Variants in MYO1C observed in about 807,000 individuals in gnomAD.
MYO1C encodes myosin IC.
MYO1C carries 104 observed loss-of-function variants against 150.8 expected under a neutral mutation model. That is an observed-to-expected ratio of 0.69 (90% CI 0.59 to 0.81). The LOEUF is 0.81. MYO1C is among the 30% of genes least tolerant of loss of function. The pLI is 0.00. For synonymous variants in MYO1C, 663 were observed against 579.9 expected, an observed-to-expected ratio of 1.14 and a Z score of -2.06; for missense variants, 1,504 against 1,435.0, an observed-to-expected ratio of 1.05 and a Z score of -0.78.
intron 1 of MYO1C, chr17:1,484,504 G>A (rs2074610717): frequency 4.6e-6 from 3 of 651,188 alleles, no homozygotes; most frequent in Non-Finnish European, 8.1e-6. Flanking sequence ...CGGGTGTGGA[G>A]GGCCCGGGTC....
In MYO1C at chr17:1,470,696, T is replaced by C. The variant is rs1356939533; in HGVS notation, c.2213-7A>G. Reference sequence around the variant, plus strand: ...GCAGCTTGGATCTTTGTGGCTGCGGTTGGGAAAGAAAGGCAATTGGCCAGA... The same window carrying C: ...GCAGCTTGGATCTTTGTGGCTGCGGCTGGGAAAGAAAGGCAATTGGCCAGA... On this transcript the variant is annotated splice_polypyrimidine_tract_variant and splice_region_variant and intron_variant, in intron 21 of 31. Transcript: ENST00000648651. The C allele has an allele frequency of 1.2e-6, 2 of 1,601,404 alleles. No individual in the cohort carries two copies. The highest frequency in any genetic ancestry group is 8.5e-7 in the Non-Finnish European group (1 of 1,178,928).
chr17:1,476,901 C>T (rs1314756677), intron 14 of MYO1C, among the ~76,000 whole-genome samples: 1 of 150,838 alleles, frequency 6.6e-6, no homozygotes, highest in African/African-American at 2.4e-5. Context: ...GGCAGTGGTG[C>T]GATCTCGGCT....
intron 25 of MYO1C, chr17:1,469,192 C>T: frequency 1.3e-5 from 5 of 381,420 alleles, no homozygotes; most frequent in Non-Finnish European, 2.0e-5. Flanking sequence ...ATACGGTAGG[C>T]GGGGTAAATA....
intron 1 of MYO1C, 146 bp from the exon 2 acceptor site, chr17:1,484,449 CCTGGGTGCTGAGGG>C: frequency 3.4e-5 from 17 of 506,194 alleles, no homozygotes; most frequent in Non-Finnish European, 5.2e-5. Flanking sequence ...GTGCGGGGGG[CCTGGGTGCTGAGGG>C]CCTGGGTGTG....
chr17:1,478,705 C>A lies in MYO1C; in HGVS notation c.1123G>T (p.Ala375Ser), dbSNP rs780926824. 1.9e-6 allele frequency: 3 copies of A among 1,614,168 alleles called. No individual in the cohort carries two copies. The highest frequency in any genetic ancestry group is 3.3e-5 in the Admixed American group (2 of 60,036). ...TTGGCGAGGGCGTCTCGTGCGTACG[C>A]GGCCTGCTCCAGGTTCAGCGGGCTC... Reference protein sequence around the residue: ...LLSPLNLEQAAYARDALAKAV... With the variant: ...LLSPLNLEQASYARDALAKAV... The change falls in exon 10 of 32, where the codon GCG (alanine) becomes TCG (serine). Residue 375 changes from alanine (A) to serine (S), a missense_variant. By Grantham distance (99) the Ala-to-Ser change is moderately conservative (BLOSUM62 1). Coordinates refer to ENST00000648651, the MANE Select transcript of MYO1C (RefSeq NM_001080779.2). The surrounding 1 kb of genome is among the most constrained non-coding windows in gnomAD (Gnocchi z 6.3).
intron 3 of MYO1C, among the ~76,000 whole-genome samples, 153 bp downstream of exon 3, chr17:1,483,457 T>G (rs1027021834): frequency 3.3e-5 from 5 of 151,968 alleles, no homozygotes; most frequent in African/African-American, 1.2e-4. Context: ...AGTTGCGACA[T>G]TCATCTCTGG....
chr17:1,480,894 A>C lies in MYO1C; in HGVS notation c.628-9T>G. The C allele has an allele frequency of 2.5e-6, 4 of 1,613,498 alleles. No homozygotes were observed. Among genetic ancestry groups the C allele is most frequent in the Non-Finnish European group, 3.4e-6 (4 of 1,179,882 alleles). On this transcript the variant is annotated splice_polypyrimidine_tract_variant and intron_variant, in intron 5 of 31. Transcript: ENST00000648651. ...CCACCCACGGGGGCACCCTGTGGGC[A>C]GGGCAGGGCATGAGGCCGGGTCACG... is the stretch of plus-strand genomic sequence containing the variant.
chr17:1,472,209 A>C lies in MYO1C; in HGVS notation c.1817T>G (p.Met606Arg). 6.8e-6 allele frequency: 11 copies of C among 1,614,100 alleles called. No individual in the cohort carries two copies. The highest frequency in any genetic ancestry group is 7.6e-6 in the Non-Finnish European group (9 of 1,179,968). ...GATCTCCACCAGCTGCAGGAGGCTC[A>C]TCTTGAACTGGGTGGCGACCTGGCG... ...RPETVATQFK[M>R]SLLQLVEILQ... Residue 606 changes from methionine to arginine, a missense_variant, in exon 18 of 32, where the codon ATG (methionine) becomes AGG (arginine). Transcript: ENST00000648651.
chr17:1,469,230 C>G (rs528812637), intron 25 of MYO1C: 1 of 433,308 alleles, frequency 2.3e-6, no homozygotes. Flanking sequence ...TACGGTAGAC[C>G]GGGGTCAATA....
At chr17:1,469,965 G>A (rs1015425880) in intron 24 of MYO1C, among the ~76,000 whole-genome samples, 2 of 152,092 alleles carry the variant, frequency 1.3e-5, no homozygotes, top group African/African-American at 2.4e-5. Flanking sequence ...AACCCGGGAG[G>A]CGGAGGTTGC....
rs201119960 is a variant in MYO1C, at chr17:1,478,511, C to A, written c.1213-19G>T. ...CCACGTCCTAGGGCAGTCATTCAAC[C>A]GAAGGCGTGGGCCCCCTGCGCGTGC... On this transcript the variant is annotated intron_variant, in intron 10 of 31. Coordinates refer to ENST00000648651, the MANE Select transcript of MYO1C (RefSeq NM_001080779.2). The surrounding 1 kb of genome is among the most constrained non-coding windows in gnomAD (Gnocchi z 6.3). 1.2e-6 allele frequency: 2 copies of A among 1,614,016 alleles called. No individual in the cohort carries two copies. Among genetic ancestry groups the A allele is most frequent in the Admixed American group, 1.7e-5 (1 of 60,020 alleles).
At chr17:1,480,261 A>C (rs2074491003) in intron 7 of MYO1C, among the ~76,000 whole-genome samples, 1 of 151,872 alleles carries the variant, frequency 6.6e-6, no homozygotes, top group South Asian at 2.1e-4. Flanking sequence ...AGGCTGGCCA[A>C]CATGGTGAAA....
In MYO1C at chr17:1,464,914, G is replaced by C. The variant is rs2074140387; in HGVS notation, c.*812C>G. 6.6e-6 allele frequency: 1 copy of C among 151,822 alleles called. No individual in the cohort carries two copies. Among genetic ancestry groups the C allele is most frequent in the Non-Finnish European group, 1.5e-5 (1 of 68,132 alleles). The allele number at this position is 151,822 out of a possible 1,614,324, so 9.4% of individuals were successfully genotyped here. ...TGCAACCTCCACTTCCCGGGTTCAA[G>C]TGATTCTCCTGCCTCAGCCTCCCGA... On this transcript the variant is annotated 3_prime_UTR_variant, in exon 32 of 32. Coordinates refer to ENST00000648651, the MANE Select transcript of MYO1C (RefSeq NM_001080779.2).
Position 1,483,738 on chromosome 17 carries a change from G to T in MYO1C, c.232-13C>A. On this transcript the variant is annotated splice_polypyrimidine_tract_variant and intron_variant, in intron 2 of 31. Coordinates refer to ENST00000648651, the MANE Select transcript of MYO1C (RefSeq NM_001080779.2). ...GGCCAATGTAGGTCTGGGATCGGGG[G>T]AAGAGGGTCCAAAGTTTATCCCGGG... The T allele has an allele frequency of 6.9e-6, 11 of 1,590,576 alleles. No individual in the cohort carries two copies. Among genetic ancestry groups the T allele is most frequent in the Non-Finnish European group, 9.4e-6 (11 of 1,165,184 alleles).
In MYO1C at chr17:1,469,588, GCACAACTCC is replaced by G; in HGVS notation, c.2544_2552del (p.Glu849_Cys851del). On this transcript the variant is annotated inframe_deletion, in exon 25 of 32. Coordinates refer to ENST00000648651, the MANE Select transcript of MYO1C (RefSeq NM_001080779.2). The stretch of plus-strand genomic sequence containing the variant: ...AGTATTTCCACACCATGTTCTTTAT[GCACAACTCC>G]CGCAGAAGCTCTGAGGCCTAAGGGG... 1 of 1,613,072 alleles carries G rather than the reference GCACAACTCC, an allele frequency of 6.2e-7. No homozygotes were observed. The highest frequency in any genetic ancestry group is 8.5e-7 in the Non-Finnish European group (1 of 1,179,660).
In MYO1C at chr17:1,467,922, G is replaced by A. The variant is rs768934901; in HGVS notation, c.2897-12C>T. On this transcript the variant is annotated splice_polypyrimidine_tract_variant and intron_variant, in intron 28 of 31. Transcript: ENST00000648651. ...GCTGACAGAGATTCCTGAGGGGAGAGGGCAAAGGTCAGAGGTCGAGGGTCA... is the reference window on the plus strand; with the variant it reads ...GCTGACAGAGATTCCTGAGGGGAGAAGGCAAAGGTCAGAGGTCGAGGGTCA... The A allele has an allele frequency of 3.1e-6, 5 of 1,612,576 alleles. No individual in the cohort carries two copies. Among genetic ancestry groups the A allele is most frequent in the Non-Finnish European group, 3.4e-6 (4 of 1,179,780 alleles).
intron 19 of MYO1C, 55 bp from the exon 20 acceptor site, chr17:1,471,391 C>A: frequency 1.4e-6 from 2 of 1,480,522 alleles, no homozygotes; most frequent in Non-Finnish European, 1.9e-6. Flanking sequence ...GCCCTGGGGA[C>A]CCCAATCAGC....
At chr17:1,485,067 C>A in intron 1 of MYO1C, 1 of 1,234,416 alleles carries the variant, frequency 8.1e-7, no homozygotes, top group Non-Finnish European at 1.1e-6. Flanking sequence ...GCTGGGCTCC[C>A]CAGGCACCTC....
In MYO1C at chr17:1,480,709, C is replaced by T; in HGVS notation, c.804G>A (p.Val268=). 1 of 1,614,158 alleles carries T rather than the reference C, an allele frequency of 6.2e-7. No individual in the cohort carries two copies. Reference sequence around the variant, plus strand: ...GCCCTCCCTGCCAGCCACTCACCTTCACCAGGTACAGGTAGCTCTGGGGGT... The same window carrying T: ...GCCCTCCCTGCCAGCCACTCACCTTTACCAGGTACAGGTAGCTCTGGGGGT... ...ERNPQSYLYL[V]KGQCAKVSSI... is the part of the protein sequence containing the mutation. Residue 268 remains valine, a synonymous_variant, in exon 6 of 32, where the codon GTG becomes GTA. Transcript: ENST00000648651.
Sources: gnomAD v4.1 joint callset for allele counts (sites outside exome capture counted in the v4.1 genomes callset) on GRCh38, gnomAD v4.1.1 for gene constraint, Gnocchi (gnomAD v3.1) non-coding constraint, MANE v1.5 for transcripts, NCBI Gene and HGNC (gene_info 2026-07-23, HGNC 2026-07-21) for gene names.